The following CNGB3 variants were observed in gnomAD, a reference collection of about 807,000 sequenced individuals.
CNGB3 encodes the protein cyclic nucleotide-gated channel beta-3.
In CNGB3, 86 loss-of-function variants were observed where a neutral mutation model predicts 92.8. That is an observed-to-expected ratio of 0.93 (90% CI 0.78 to 1.11). The LOEUF (loss-of-function observed/expected upper bound fraction) is 1.11, where lower values mean the gene tolerates loss of function less well. Ranked by LOEUF, CNGB3 falls within the 50% of genes least tolerant of loss-of-function variation. The probability of loss-of-function intolerance (pLI) is 0.00; values close to 1 mark genes in which losing one functional copy is unlikely to be tolerated. For synonymous variants in CNGB3, 333 were observed against 332.7 expected (o/e 1.00, Z -0.01); for missense variants, 1,026 against 956.8 (o/e 1.07, Z -0.95).
At chr8:86,727,590 C>T (rs78127652) in intron 2 of CNGB3, among the ~76,000 whole-genome samples, 2,613 of 151,794 alleles carry the variant, frequency 0.017, 25 homozygotes, top group Non-Finnish European at 0.027. Context: ...TGTAATTTAC[C>T]CAGAGAATAA....
intron 3 of CNGB3, among the ~76,000 whole-genome samples, chr8:86,678,823 C>A (rs897979822): frequency 6.6e-6 from 1 of 152,104 alleles, no homozygotes; most frequent in Admixed American, 6.6e-5. Flanking sequence ...TGCCTATATA[C>A]ACAAAAATCA....
chr8:86,610,034 CT>C (rs1399477767), intron 14 of CNGB3, among the ~76,000 whole-genome samples: 1 of 152,110 alleles, frequency 6.6e-6, no homozygotes, highest in Non-Finnish European at 1.5e-5. Context: ...CTTAATTTCA[CT>C]TGTTTATAGC....
intron 2 of CNGB3, among the ~76,000 whole-genome samples, chr8:86,735,042 G>GTTTTTTTTTTT (rs60107723): frequency 2.3e-5 from 2 of 85,886 alleles, no homozygotes; most frequent in African/African-American, 4.9e-5. Flanking sequence ...AATGCCGGTG[G>GTTTTTTTTTTT]TTTTTTTTTT....
rs1823856642 is a variant in CNGB3 at position 86,671,238 on chromosome 8, A to G, written c.339-140T>C. 9 of 854,732 alleles carry G rather than the reference A, an allele frequency of 1.1e-5. No homozygotes were observed. In the South Asian group the frequency reaches 1.3e-4, roughly 12 times the overall value. 52.9% of individuals were successfully genotyped at this position (854,732 alleles called of 1,614,324 possible). On this transcript the variant is annotated intron_variant, in intron 3 of 17. Transcript: ENST00000320005. ...TGCAATTGAATAGCACAATTCAAAC[A>G]TTAGGTTTAATGGAAATAGTGCTGG... is the stretch of plus-strand genomic sequence containing the variant.
intron 2 of CNGB3, 38 bp from the exon 3 acceptor site, chr8:86,726,695 A>G (rs1455069343): frequency 6.2e-7 from 1 of 1,610,506 alleles, no homozygotes; most frequent in South Asian, 1.1e-5. Context: ...AAGAATGTAC[A>G]ACACTCTTGA....
chr8:86,702,343 G>T (rs139387048), intron 3 of CNGB3, among the ~76,000 whole-genome samples: 3 of 152,260 alleles, frequency 2.0e-5, no homozygotes, highest in African/African-American at 7.2e-5. Flanking sequence ...CTATCATTGG[G>T]CATTTAAGAT....
At chr8:86,648,279 T>TC (rs1344472363) in intron 7 of CNGB3, among the ~76,000 whole-genome samples, 1 of 151,214 alleles carries the variant, frequency 6.6e-6, no homozygotes, top group Non-Finnish European at 1.5e-5. Context: ...GCATTGTACT[T>TC]TCATTGTAGT....
At chr8:86,697,916 T>A (rs551999942) in intron 3 of CNGB3, among the ~76,000 whole-genome samples, 28 of 152,206 alleles carry the variant, frequency 1.8e-4, no homozygotes, top group African/African-American at 6.7e-4. Context: ...CTTGCGATAG[T>A]TTGCTCAGAA....
intron 6 of CNGB3, chr8:86,658,228 G>T (rs1051174935): frequency 4.5e-5 from 25 of 560,380 alleles, no homozygotes; most frequent in Non-Finnish European, 8.0e-5. Context: ...AGCTGCCCAC[G>T]TGGCCATGCC....
At chr8:86,586,153 A>G (rs1821885080) in intron 15 of CNGB3, among the ~76,000 whole-genome samples, 1 of 152,164 alleles carries the variant, frequency 6.6e-6, no homozygotes, top group African/African-American at 2.4e-5. Context: ...ACATAGAAAT[A>G]GCATACTCTA....
At chr8:86,724,714 T>C (rs994241762) in intron 3 of CNGB3, among the ~76,000 whole-genome samples, 1 of 152,054 alleles carries the variant, frequency 6.6e-6, no homozygotes, top group African/African-American at 2.4e-5. Context: ...GGGAAAGCCT[T>C]ACAAAGGAAG....
chr8:86,596,935 C>A (rs1435088856), intron 15 of CNGB3, among the ~76,000 whole-genome samples: 1 of 149,650 alleles, frequency 6.7e-6, no homozygotes, highest in Admixed American at 6.7e-5. Context: ...GAAAGAAAAC[C>A]AAACACCACA....
intron 6 of CNGB3, chr8:86,657,924 C>T (rs909087739): frequency 3.1e-5 from 17 of 551,198 alleles, no homozygotes; most frequent in Non-Finnish European, 6.1e-5. Context: ...CGTGCAGCTC[C>T]CCCTGCCATG....
At chr8:86,640,321 T>C (rs1380052814) in intron 10 of CNGB3, among the ~76,000 whole-genome samples, 1 of 152,080 alleles carries the variant, frequency 6.6e-6, no homozygotes, top group Non-Finnish European at 1.5e-5. Context: ...ACTAAACTCT[T>C]GCACTAGGCC....
intron 14 of CNGB3, among the ~76,000 whole-genome samples, chr8:86,605,028 G>A (rs952905418): frequency 1.3e-5 from 2 of 152,096 alleles, no homozygotes; most frequent in Non-Finnish European, 2.9e-5. Flanking sequence ...GCTTCCACCG[G>A]TGGAGATATT....
chr8:86,624,225 C>T lies in CNGB3; in HGVS notation c.1578+1758G>A, dbSNP rs371769127. ...CTTGAAGTCAGGAGTTCAAGACCAG[C>T]CTGGCCAACATGGCGAAACCCCGTC... is the stretch of plus-strand genomic sequence containing the variant. On this transcript the variant is annotated intron_variant, in intron 13 of 17. Coordinates refer to ENST00000320005, the MANE Select transcript of CNGB3 (RefSeq NM_019098.5). Among the ~76,000 whole-genome samples the T allele has an allele frequency of 5.3e-5, 8 of 152,272 alleles. No individual in the cohort carries two copies. In the South Asian group the frequency reaches 1.7e-3, roughly 32 times the overall value.
chr8:86,726,730 C>T, intron 2 of CNGB3, 73 bp from the exon 3 acceptor site: 1 of 1,546,086 alleles, frequency 6.5e-7, no homozygotes, highest in Non-Finnish European at 8.9e-7. Flanking sequence ...GCAACATGAG[C>T]TACAAAGATG....
At chr8:86,645,941 A>G (rs1051429499) in intron 8 of CNGB3, among the ~76,000 whole-genome samples, 3 of 151,170 alleles carry the variant, frequency 2.0e-5, no homozygotes, top group African/African-American at 7.3e-5. Flanking sequence ...ACCCTTAAAA[A>G]TAAGTTATAT....
intron 15 of CNGB3, among the ~76,000 whole-genome samples, chr8:86,596,487 T>C (rs1012028965): frequency 6.6e-6 from 1 of 152,244 alleles, no homozygotes; most frequent in Admixed American, 6.5e-5. Flanking sequence ...GGCACAAGGC[T>C]GAATATGCAT....
Sources: allele counts gnomAD v4.1 joint callset (sites outside exome capture counted in the v4.1 genomes callset), GRCh38; gene constraint gnomAD v4.1.1; transcripts MANE v1.5; gene names NCBI Gene and HGNC (gene_info 2026-07-23, HGNC 2026-07-21).